Variants in MRPS5 observed in about 807,000 individuals in gnomAD.
MRPS5 encodes small ribosomal subunit protein uS5m.
Under a neutral mutation model 51.9 loss-of-function variants are expected in MRPS5, and 27 were observed. The ratio of observed to expected loss-of-function variants is 0.52; its 90% CI spans 0.38 to 0.72. MRPS5 has a LOEUF of 0.72. Among genes scored for constraint, MRPS5 ranks in the 30% least tolerant of loss-of-function variants. The pLI, the probability that MRPS5 is intolerant of heterozygous loss-of-function variation, is 0.00. For synonymous variants in MRPS5, 196 were observed against 193.2 expected (o/e 1.01, Z -0.12); for missense variants, 570 against 545.7 (o/e 1.04, Z -0.44).
At chr2:95,098,400 T>C (rs919479258) in intron 10 of MRPS5, among the ~76,000 whole-genome samples, 11 of 152,342 alleles carry the variant, frequency 7.2e-5, no homozygotes, top group South Asian at 2.1e-4. Context: ...CATATGTTTA[T>C]TGCGGCACTA....
At chr2:95,092,273 A>G (rs1675488624) in intron 10 of MRPS5, 3 of 152,246 alleles carry the variant, frequency 2.0e-5, no homozygotes, top group African/African-American at 7.2e-5. Context: ...ATACTGTTCT[A>G]TAGCCGAAGT....
At chr2:95,110,336 G>A (rs552430530) in intron 3 of MRPS5, among the ~76,000 whole-genome samples, 9 of 152,250 alleles carry the variant, frequency 5.9e-5, no homozygotes, top group Non-Finnish European at 1.0e-4. Flanking sequence ...CAATAGGTTC[G>A]TTTCCCTGAC....
rs772024753 is a variant in MRPS5 at position 95,087,436 on chromosome 2, T to A, written c.1214A>T (p.Lys405Ile). The change falls in exon 12 of 12, where the codon AAA becomes ATA. Residue 405 changes from lysine to isoleucine, a missense_variant. Transcript: ENST00000272418. The stretch of plus-strand genomic sequence containing the variant: ...AGTCTTCACATCTTCCCAGTCCAGT[T>A]TGACGTCTGGAACCTCATCTTCTGG... ...PEPEDEVPDV[K>I]LDWEDVKTAQ... 1 of 1,614,156 alleles carries A rather than the reference T, an allele frequency of 6.2e-7. No homozygotes were observed. The highest frequency in any genetic ancestry group is 8.5e-7 in the Non-Finnish European group (1 of 1,180,030).
intron 7 of MRPS5, among the ~76,000 whole-genome samples, chr2:95,102,274 A>G (rs1376137551): frequency 2.6e-5 from 4 of 152,252 alleles, no homozygotes; most frequent in Non-Finnish European, 5.9e-5. Flanking sequence ...CTGCCTTTTA[A>G]AAATATCTAG....
chr2:95,109,443 CG>C (rs1422483463), intron 4 of MRPS5, among the ~76,000 whole-genome samples: 4 of 151,112 alleles, frequency 2.6e-5, no homozygotes, highest in Non-Finnish European at 5.9e-5. Context: ...CAACTCAGTT[CG>C]TGACTTGTTT....
At chr2:95,103,256 A>G (rs760090724) in intron 7 of MRPS5, among the ~76,000 whole-genome samples, 4 of 152,228 alleles carry the variant, frequency 2.6e-5, no homozygotes, top group Non-Finnish European at 2.9e-5. Flanking sequence ...ATACCATTCA[A>G]TAAGAAAAAT....
In MRPS5 at chr2:95,095,977, GA is replaced by G. The variant is rs571767011; in HGVS notation, c.931+4496del. Among the ~76,000 whole-genome samples, 32 of 152,200 alleles carry G rather than the reference GA, an allele frequency of 2.1e-4. No homozygotes were observed. The East Asian group carries it at 5.6e-3, about 27-fold the overall frequency. ...GACTGCTAGCAAGACTAAGAAGAGAGAAGAATCAAACAGATGCAATAAAAAA... is the reference window on the plus strand; with the variant it reads ...GACTGCTAGCAAGACTAAGAAGAGAGAGAATCAAACAGATGCAATAAAAAA... On this transcript the variant is annotated intron_variant, in intron 10 of 11. Transcript: ENST00000272418.
chr2:95,095,111 A>G (rs541335238), intron 10 of MRPS5, among the ~76,000 whole-genome samples: 1 of 152,370 alleles, frequency 6.6e-6, no homozygotes, highest in South Asian at 2.1e-4. Context: ...TTAAACCAAC[A>G]AAGATCAAAA....
chr2:95,100,961 A>T, intron 8 of MRPS5, 67 bp from the exon 9 acceptor site: 1 of 1,357,372 alleles, frequency 7.4e-7, no homozygotes, highest in South Asian at 1.3e-5. Flanking sequence ...TTCCAAAAAC[A>T]CTTTTAATAA....
At chr2:95,098,282 C>T (rs1227065682) in intron 10 of MRPS5, among the ~76,000 whole-genome samples, 3 of 152,116 alleles carry the variant, frequency 2.0e-5, no homozygotes, top group Non-Finnish European at 4.4e-5. Flanking sequence ...GATAGTGTGG[C>T]GATTCCTCAG....
intron 6 of MRPS5, among the ~76,000 whole-genome samples, chr2:95,105,472 C>T (rs1245758202): frequency 2.0e-5 from 3 of 152,136 alleles, no homozygotes; most frequent in South Asian, 4.1e-4. Flanking sequence ...ATGGCGTCAA[C>T]CCGGGAGGTG....
At chr2:95,120,018 G>C (rs150773658) in intron 1 of MRPS5, among the ~76,000 whole-genome samples, 2,208 of 152,346 alleles carry the variant, frequency 0.014, 23 homozygotes, top group Middle Eastern at 0.044. Context: ...AGCCGTGATC[G>C]TGCCAATGCA....
At chr2:95,087,674 G>A in intron 11 of MRPS5, 93 bp from the exon 12 acceptor site, 1 of 1,090,072 alleles carries the variant, frequency 9.2e-7, no homozygotes. Flanking sequence ...GTACAGCCTG[G>A]GGGTATTCAA....
Position 95,109,941 on chromosome 2 carries a change from C to A in MRPS5, c.378G>T (p.Leu126=). Residue 126 remains leucine, a synonymous_variant, in exon 4 of 12, where the codon CTG becomes CTT. Coordinates refer to ENST00000272418, the MANE Select transcript of MRPS5 (RefSeq NM_031902.5). Reference sequence around the variant, plus strand: ...CTTCACCAATGATCTGACCCCTGTTCAGATCCTTTCTTTTCTTCTTTTTAG... The same window carrying A: ...CTTCACCAATGATCTGACCCCTGTTAAGATCCTTTCTTTTCTTCTTTTTAG... The part of the protein sequence containing the change: ...KRTKKKKRKD[L]NRGQIIGEGR... 1 of 1,613,506 alleles carries A rather than the reference C, an allele frequency of 6.2e-7. No individual in the cohort carries two copies. Among genetic ancestry groups the A allele is most frequent in the South Asian group, 1.1e-5 (1 of 91,024 alleles).
intron 10 of MRPS5, chr2:95,092,233 A>G (rs1259269189): frequency 5.9e-5 from 9 of 152,252 alleles, no homozygotes; most frequent in African/African-American, 1.7e-4. Context: ...TAAATATGGC[A>G]AAGTTTTGCA....
chr2:95,118,717 T>C (rs1676360275), intron 1 of MRPS5, among the ~76,000 whole-genome samples: 1 of 152,224 alleles, frequency 6.6e-6, no homozygotes, highest in Non-Finnish European at 1.5e-5. Context: ...CAAGTGATTT[T>C]TGACAAGGGT....
intron 2 of MRPS5, 44 bp from the exon 3 acceptor site, chr2:95,115,247 T>C (rs1676253157): frequency 1.4e-6 from 2 of 1,452,242 alleles, no homozygotes; most frequent in Non-Finnish European, 9.1e-7. Context: ...GTTTCACAGC[T>C]GTGGAAAAAC....
At chr2:95,100,413 G>T (rs1573334294) in intron 10 of MRPS5, 61 bp downstream of exon 10, 1 of 1,246,526 alleles carries the variant, frequency 8.0e-7, no homozygotes, top group Non-Finnish European at 1.2e-6. Context: ...TAGAGGAGAG[G>T]ATAGAACTGT....
Position 95,108,343 on chromosome 2 carries a change from T to C in MRPS5, c.469A>G (p.Ile157Val), listed in dbSNP as rs1392671090. The change falls in exon 5 of 12, where the codon ATT (isoleucine) becomes GTT (valine). Residue 157 changes from isoleucine to valine, a missense_variant. Physicochemically the swap from Ile to Val is conservative, Grantham distance 29 (BLOSUM62 3). Coordinates refer to ENST00000272418, the MANE Select transcript of MRPS5 (RefSeq NM_031902.5). ...TGCTCTTCCTTGCTTCTTTGGGCAA[T>C]GGTCTGCACTGCTCCATTTTTCATA... ...PLMKNGAVQT[I>V]AQRSKEEQEK... 6.2e-7 allele frequency: 1 copy of C among 1,614,084 alleles called. No individual in the cohort carries two copies. The highest frequency in any genetic ancestry group is 1.3e-5 in the African/African-American group (1 of 74,936).
Sources: allele counts gnomAD v4.1 joint callset (sites outside exome capture counted in the v4.1 genomes callset), GRCh38; gene constraint gnomAD v4.1.1; transcripts MANE v1.5; gene names NCBI Gene and HGNC (gene_info 2026-07-23, HGNC 2026-07-21).